The following GOSR2 variants were observed in gnomAD, a reference collection of about 807,000 sequenced individuals.
The protein encoded by GOSR2 is golgi SNAP receptor complex member 2.
GOSR2 carries 20 observed loss-of-function variants against 27.9 expected under a neutral mutation model. The observed-to-expected ratio is 0.72, with a 90% CI of 0.50 to 1.04. The LOEUF is 1.04. Among genes scored for constraint, GOSR2 ranks in the 50% least tolerant of loss-of-function variants. GOSR2 has a pLI of 0.00. For synonymous variants in GOSR2, 91 were observed against 98.8 expected (o/e 0.92, Z 0.47); for missense variants, 261 against 270.5 (o/e 0.97, Z 0.25).
chr17:46,947,123 G>A (rs1039853041), intron 6 of GOSR2, among the ~76,000 whole-genome samples: 2 of 152,128 alleles, frequency 1.3e-5, no homozygotes, highest in Non-Finnish European at 2.9e-5. Context: ...GTGGAGGAAG[G>A]CCAGGGGACC....
Position 46,939,220 on chromosome 17 carries a change from T to C in GOSR2, c.*460T>C. 3 of 1,070,966 alleles carry C rather than the reference T, an allele frequency of 2.8e-6. No homozygotes were observed. The highest frequency in any genetic ancestry group is 3.4e-6 in the Non-Finnish European group (3 of 878,732). 66.3% of individuals were successfully genotyped at this position (1,070,966 alleles called of 1,614,324 possible). A position where few individuals can be genotyped will look rare whatever the true frequency, so the allele number is the denominator to read the frequency against. On this transcript the variant is annotated 3_prime_UTR_variant, in exon 6 of 6. Coordinates refer to ENST00000640051, the MANE Select transcript of GOSR2 (RefSeq NM_004287.5). ...AGGCCTTTTCTCACAGCCATTATAT[T>C]AAATAGTAGGTCGATTCACATCCTC...
At chr17:46,942,846 G>A (rs79239049), downstream of GOSR2, among the ~76,000 whole-genome samples, 6,735 of 152,236 alleles carry the variant, frequency 0.044, 206 homozygotes, top group Admixed American at 0.11. Flanking sequence ...AAGGCACATG[G>A]GAGAGGAGTG....
At chr17:46,971,068 T>C (rs1262650715), downstream of GOSR2, among the ~76,000 whole-genome samples, 5 of 152,146 alleles carry the variant, frequency 3.3e-5, no homozygotes, top group African/African-American at 9.7e-5. Flanking sequence ...CTTTAAAACA[T>C]AGGCCGGTGC....
In GOSR2 at chr17:46,940,585, T is replaced by C; in HGVS notation, c.*1825T>C. 1 of 1,614,142 alleles carries C rather than the reference T, an allele frequency of 6.2e-7. No individual in the cohort carries two copies. The highest frequency in any genetic ancestry group is 8.5e-7 in the Non-Finnish European group (1 of 1,180,034). ...CAAGGATCCTGCCAGACAGCACACT[T>C]TGGAGGAAGGTCTGCAGGGAGCAGC... On this transcript the variant is annotated 3_prime_UTR_variant, in exon 6 of 6. Transcript: ENST00000640051.
intron 4 of GOSR2, among the ~76,000 whole-genome samples, chr17:46,934,766 C>T (rs2087995212): frequency 6.6e-6 from 1 of 152,174 alleles, no homozygotes; most frequent in South Asian, 2.1e-4. Flanking sequence ...GATCATGATA[C>T]AGAGACAAGT....
Position 46,930,382 on chromosome 17 carries a change from C to T in GOSR2, c.95-717C>T, listed in dbSNP as rs117791180. On this transcript the variant is annotated intron_variant, in intron 2 of 5. Coordinates refer to ENST00000640051, the MANE Select transcript of GOSR2 (RefSeq NM_004287.5). ...TCTTTGTTCATCGGACTTTGTTTGC[C>T]TTCTCAGCAATCTCATTGTTACATG... is the stretch of plus-strand genomic sequence containing the variant. 7.2e-3 allele frequency: 1,095 copies of T among 152,368 alleles called. 3 individuals carry two copies. The highest frequency in any genetic ancestry group is 0.017 in the Middle Eastern group (5 of 294). The allele number at this position is 152,368 out of a possible 1,614,324, so 9.4% of individuals were successfully genotyped here.
chr17:46,966,272 A>G (rs996011741), intron 6 of GOSR2, among the ~76,000 whole-genome samples: 6 of 152,220 alleles, frequency 3.9e-5, no homozygotes, highest in African/African-American at 1.4e-4. Flanking sequence ...GAAATGTACT[A>G]GCTATGTACC....
At chr17:46,934,447 A>G (rs2087927519) in intron 4 of GOSR2, among the ~76,000 whole-genome samples, 1 of 152,132 alleles carries the variant, frequency 6.6e-6, no homozygotes, top group Admixed American at 6.5e-5. Flanking sequence ...GTTTGAGTCC[A>G]GGAGGCTAAG....
intron 6 of GOSR2, among the ~76,000 whole-genome samples, chr17:46,951,017 C>G (rs1279741275): frequency 1.3e-5 from 2 of 152,200 alleles, no homozygotes; most frequent in Non-Finnish European, 2.9e-5. Flanking sequence ...TGGCCCTCGC[C>G]CCAACTACAC....
At position 46,923,232 on chromosome 17, in the gene GOSR2, G is replaced by C; in HGVS notation, c.29+11G>C. 1 of 1,551,142 alleles carries C rather than the reference G, an allele frequency of 6.4e-7. No homozygotes were observed. Among genetic ancestry groups the C allele is most frequent in the Non-Finnish European group, 8.7e-7 (1 of 1,146,590 alleles). ...CCAGCAAACGCACAAGTGAGGGCCG[G>C]TCGGGGAGCGGGCAGGGGCTAGACG... On this transcript the variant is annotated intron_variant, in intron 1 of 5. Coordinates refer to ENST00000640051, the MANE Select transcript of GOSR2 (RefSeq NM_004287.5).
chr17:46,966,700 A>G lies in GOSR2; in HGVS notation c.750A>G (p.Leu250=), dbSNP rs76094883. 5,017 of 496,200 alleles carry G rather than the reference A, an allele frequency of 0.01. 35 individuals carry two copies. The highest frequency in any genetic ancestry group is 0.022 in the Middle Eastern group (79 of 3,610). 30.7% of individuals were successfully genotyped at this position (496,200 alleles called of 1,614,324 possible). A position where few individuals can be genotyped will look rare whatever the true frequency, so the allele number is the denominator to read the frequency against. The change falls in exon 7 of 7, where the codon CTA becomes CTG. Residue 250 remains leucine (L), a synonymous_variant. Transcript: ENST00000573224. ...GATTTGAACTCTGGTTCTATCAACT[A>G]TTAGCTGTGATTTCAGATCAGTGAC...
At chr17:46,946,401 C>T (rs112660756), downstream of GOSR2, among the ~76,000 whole-genome samples, 10 of 143,288 alleles carry the variant, frequency 7.0e-5, no homozygotes, top group Non-Finnish European at 1.3e-4. Flanking sequence ...GCGGAGGTTG[C>T]AGTGAGCCGA....
Position 46,931,082 on chromosome 17 carries a change from T to C in GOSR2, c.95-17T>C, listed in dbSNP as rs553054493. 209 of 1,309,456 alleles carry C rather than the reference T, an allele frequency of 1.6e-4. 3 individuals are homozygous for C. The South Asian group carries it at 2.3e-3, about 15-fold the overall frequency. 81.1% of individuals were successfully genotyped at this position (1,309,456 alleles called of 1,614,324 possible). A position where few individuals can be genotyped will look rare whatever the true frequency, so the allele number is the denominator to read the frequency against. On this transcript the variant is annotated splice_polypyrimidine_tract_variant and intron_variant, in intron 2 of 5. Coordinates refer to ENST00000640051, the MANE Select transcript of GOSR2 (RefSeq NM_004287.5). ...TATCTCTTTTCCAGCAATTATTCTT[T>C]TTTCTTTTTTGTACAGTAGTAGAAA...
downstream of GOSR2, among the ~76,000 whole-genome samples, chr17:46,968,026 A>G (rs1304506036): frequency 1.3e-5 from 2 of 152,076 alleles, no homozygotes; most frequent in Non-Finnish European, 2.9e-5. Context: ...CTCTTACAGA[A>G]TCAGGACCCT....
At position 46,935,448 on chromosome 17, in the gene GOSR2, A is replaced by G. The variant is rs540078407; in HGVS notation, c.477+279A>G. 2.1e-5 allele frequency: 29 copies of G among 1,403,442 alleles called. No homozygotes were observed. In the South Asian group the frequency reaches 3.8e-4, roughly 18 times the overall value. 86.9% of individuals were successfully genotyped at this position (1,403,442 alleles called of 1,614,324 possible). A position where few individuals can be genotyped will look rare whatever the true frequency, so the allele number is the denominator to read the frequency against. On this transcript the variant is annotated intron_variant, in intron 5 of 5. Coordinates refer to ENST00000640051, the MANE Select transcript of GOSR2 (RefSeq NM_004287.5). Reference sequence around the variant, plus strand: ...TGAACTTATCATGAAAGTGAGTGCTACTACGAGGGGTCCAATCACAGGCTG... The same window carrying G: ...TGAACTTATCATGAAAGTGAGTGCTGCTACGAGGGGTCCAATCACAGGCTG...
intron 6 of GOSR2, among the ~76,000 whole-genome samples, chr17:46,962,646 G>C (rs2091129692): frequency 6.6e-6 from 1 of 152,194 alleles, no homozygotes; most frequent in Non-Finnish European, 1.5e-5. Flanking sequence ...AGAGGAAAGA[G>C]GTCCAGCCAT....
intron 3 of GOSR2, 70 bp from the exon 4 acceptor site, chr17:46,931,997 A>G: frequency 7.0e-7 from 1 of 1,427,746 alleles, no homozygotes; most frequent in Non-Finnish European, 9.9e-7. Context: ...TCCTCAGTAC[A>G]AAGCCTGGCC....
downstream of GOSR2, among the ~76,000 whole-genome samples, chr17:46,942,439 C>G (rs548392356): frequency 6.6e-6 from 1 of 152,176 alleles, no homozygotes; most frequent in African/African-American, 2.4e-5. Flanking sequence ...CACAGGAGTC[C>G]GAGAGGAGCT....
rs1311256668 is a variant in GOSR2, at chr17:46,940,818, G to A, written c.*2058G>A. ...TGGTTTTTGGGTCTTTACCACCTGC[G>A]GCTGGTGGACAGCAGCCAGTGTGTC... On this transcript the variant is annotated 3_prime_UTR_variant, in exon 6 of 6. Transcript: ENST00000640051. 1.4e-5 allele frequency: 20 copies of A among 1,470,132 alleles called. No individual in the cohort carries two copies. Among genetic ancestry groups the A allele is most frequent in the Non-Finnish European group, 1.7e-5 (19 of 1,112,394 alleles). The allele number at this position is 1,470,132 out of a possible 1,614,324, so 91.1% of individuals were successfully genotyped here. A position where few individuals can be genotyped will look rare whatever the true frequency, so the allele number is the denominator to read the frequency against.
Sources: allele counts gnomAD v4.1 joint callset (sites outside exome capture counted in the v4.1 genomes callset), GRCh38; gene constraint gnomAD v4.1.1; transcripts MANE v1.5; gene names NCBI Gene and HGNC (gene_info 2026-07-23, HGNC 2026-07-21).